MGST2: variants seen among roughly 807,000 people sequenced by gnomAD.
MGST2 encodes microsomal glutathione S-transferase 2, also known as glutathione peroxidase MGST2.
MGST2 carries 9 observed loss-of-function variants against 16.6 expected under a neutral mutation model. That is an observed-to-expected ratio of 0.54 (90% CI 0.33 to 0.95). The LOEUF (loss-of-function observed/expected upper bound fraction) is 0.95, where lower values mean the gene tolerates loss of function less well. Ranked by LOEUF, MGST2 falls within the 40% of genes least tolerant of loss-of-function variation. The pLI is 0.03. For missense variants in MGST2, 159 were observed against 175.1 expected (o/e 0.91, Z 0.52); for synonymous variants, 79 against 68.0 (o/e 1.16, Z -0.79).
the MGST2 span, among the ~76,000 whole-genome samples, chr4:139,747,634 C>G: frequency 6.6e-6 from 1 of 151,072 alleles, no homozygotes; most frequent in African/African-American, 2.4e-5. Flanking sequence ...GTGGAGGTTA[C>G]AGTGAGCCGA....
chr4:139,694,224 G>A (rs1726785667), intron 2 of MGST2, among the ~76,000 whole-genome samples: 1 of 151,236 alleles, frequency 6.6e-6, no homozygotes, highest in South Asian at 2.1e-4. Context: ...GATCACTTAT[G>A]GTGACCCAGG....
chr4:139,682,951 A>G (rs2110836400), intron 2 of MGST2, among the ~76,000 whole-genome samples: 1 of 151,894 alleles, frequency 6.6e-6, no homozygotes, highest in Admixed American at 6.5e-5. Context: ...ATTCCAGGTC[A>G]CCACCCACGA....
chr4:139,675,739 A>G (rs1730925899), intron 1 of MGST2, among the ~76,000 whole-genome samples: 1 of 152,192 alleles, frequency 6.6e-6, no homozygotes, highest in Non-Finnish European at 1.5e-5. Flanking sequence ...GATTTTCCTT[A>G]GGGGTATTTA....
At chr4:139,744,093 A>T (rs1459723151), downstream of MGST2, among the ~76,000 whole-genome samples, 1 of 152,170 alleles carries the variant, frequency 6.6e-6, no homozygotes, top group Non-Finnish European at 1.5e-5. Flanking sequence ...AGATGCACAA[A>T]CACCTTGGGT....
At chr4:139,709,903 T>G (rs942073778) in intron 5 of MGST2, among the ~76,000 whole-genome samples, 1 of 152,194 alleles carries the variant, frequency 6.6e-6, no homozygotes, top group Non-Finnish European at 1.5e-5. Context: ...ATGAGGCAGG[T>G]GTCTGTGCCA....
chr4:139,751,877 T>C, the MGST2 span, among the ~76,000 whole-genome samples: 28 of 152,184 alleles, frequency 1.8e-4, no homozygotes, highest in Non-Finnish European at 3.7e-4. Flanking sequence ...GCATGTAAGG[T>C]TACAGTATAG....
chr4:139,720,101 T>G (rs1348631262), intron 5 of MGST2: 1 of 1,614,094 alleles, frequency 6.2e-7, no homozygotes, highest in South Asian at 1.1e-5. Context: ...CTGCAACATT[T>G]GGGTCATGCC....
rs200708690 is a variant in MGST2 at position 139,703,467 on chromosome 4, G to C, written c.242G>C (p.Cys81Ser). The change falls in exon 4 of 5, where the codon TGT (cysteine) becomes TCT (serine). Residue 81 changes from cysteine to serine, a missense_variant. Coordinates refer to ENST00000265498, the MANE Select transcript of MGST2 (RefSeq NM_002413.5). ...GWYFNQVFAT[C>S]LGLVYIYGRH... Reference sequence around the variant, plus strand: ...CACCCCCCTATAGTTTTTGCTACTTGTCTGGGTCTGGTGTACATATATGGC... The same window carrying C: ...CACCCCCCTATAGTTTTTGCTACTTCTCTGGGTCTGGTGTACATATATGGC... 1.2e-6 allele frequency: 2 copies of C among 1,612,900 alleles called. No homozygotes were observed. Among genetic ancestry groups the C allele is most frequent in the Non-Finnish European group, 1.7e-6 (2 of 1,179,700 alleles).
At chr4:139,707,146 A>C (rs984832360), downstream of MGST2, among the ~76,000 whole-genome samples, 7 of 151,948 alleles carry the variant, frequency 4.6e-5, no homozygotes, top group Non-Finnish European at 1.0e-4. Context: ...GGTGTGCTGC[A>C]CCCATTAACT....
intron 2 of MGST2, among the ~76,000 whole-genome samples, chr4:139,680,976 T>C (rs911727246): frequency 1.3e-5 from 2 of 152,112 alleles, no homozygotes; most frequent in Non-Finnish European, 2.9e-5. Flanking sequence ...CAACCCCAGG[T>C]GAGGCCTTTT....
the MGST2 span, among the ~76,000 whole-genome samples, chr4:139,750,835 C>G: frequency 4.6e-5 from 7 of 152,174 alleles, no homozygotes; most frequent in African/African-American, 1.7e-4. Flanking sequence ...CTCCCTACCC[C>G]CTTTTAAAAA....
chr4:139,690,854 A>T (rs1579313787), intron 2 of MGST2, among the ~76,000 whole-genome samples: 1 of 152,192 alleles, frequency 6.6e-6, no homozygotes, highest in Admixed American at 6.5e-5. Flanking sequence ...TACCAGATCC[A>T]GGTGGGAATG....
chr4:139,687,624 C>T (rs1731636135), intron 2 of MGST2: 1 of 152,234 alleles, frequency 6.6e-6, no homozygotes, highest in Non-Finnish European at 1.5e-5. Context: ...TCAGCATAGC[C>T]AAGAAGCCCA....
At chr4:139,678,965 T>G in intron 2 of MGST2, 1 of 398,594 alleles carries the variant, frequency 2.5e-6, no homozygotes, top group Non-Finnish European at 4.6e-6. Flanking sequence ...CACAATAGTC[T>G]GAAGTTGGAT....
downstream of MGST2, among the ~76,000 whole-genome samples, chr4:139,744,072 A>T (rs370945070): frequency 4.6e-5 from 7 of 152,150 alleles, no homozygotes; most frequent in African/African-American, 1.7e-4. Flanking sequence ...GCCCAAATAT[A>T]TCCTGTAGTC....
intron 2 of MGST2, among the ~76,000 whole-genome samples, chr4:139,679,617 A>C (rs927111236): frequency 3.9e-5 from 6 of 152,164 alleles, no homozygotes; most frequent in Non-Finnish European, 1.5e-5. Context: ...TCTTGAATCA[A>C]TTTTGGTAGG....
At chr4:139,682,031 T>TA (rs1298382251) in intron 2 of MGST2, among the ~76,000 whole-genome samples, 5 of 150,666 alleles carry the variant, frequency 3.3e-5, no homozygotes, top group Admixed American at 6.6e-5. Context: ...CTCTCTCTAT[T>TA]AAAAAAAAAT....
intron 3 of MGST2, among the ~76,000 whole-genome samples, chr4:139,702,844 G>GTTTTTTATTTTTTTTTTTTTTTTTTT (rs1727327610): frequency 2.2e-5 from 1 of 46,424 alleles, no homozygotes; most frequent in Non-Finnish European, 4.5e-5. Context: ...TGTGTTACTG[G>GTTTTTTATTTTTTTTTTTTTTTTTTT]TTTTTTTTTT....
chr4:139,732,499 C>G (rs1326921087), intron 5 of MGST2, among the ~76,000 whole-genome samples: 1 of 152,124 alleles, frequency 6.6e-6, no homozygotes, highest in East Asian at 1.9e-4. Context: ...ACCCAAGAAG[C>G]TCTGGTTTGT....
Sources: allele counts gnomAD v4.1 joint callset (sites outside exome capture counted in the v4.1 genomes callset), GRCh38; gene constraint gnomAD v4.1.1; transcripts MANE v1.5; gene names NCBI Gene and HGNC (gene_info 2026-07-23, HGNC 2026-07-21).